WLS: variants seen among roughly 807,000 people sequenced by gnomAD.
WLS encodes Wnt ligand secretion mediator.
A neutral mutation model predicts 62.8 loss-of-function variants in WLS; 23 were observed. That is an observed-to-expected ratio of 0.37 (90% CI 0.26 to 0.52). The LOEUF is 0.52. WLS is among the 20% of genes least tolerant of loss of function. The pLI is 0.92. For synonymous variants in WLS, 246 were observed against 244.1 expected (o/e 1.01, Z -0.07); for missense variants, 615 against 697.3 (o/e 0.88, Z 1.33).
At chr1:68,182,676 T>G (rs2100571895) in intron 2 of WLS, among the ~76,000 whole-genome samples, 1 of 149,096 alleles carries the variant, frequency 6.7e-6, no homozygotes, top group South Asian at 2.1e-4. Context: ...ACCATTTACC[T>G]AACACTACAA....
At chr1:68,213,042 T>C (rs917382604) in intron 1 of WLS, among the ~76,000 whole-genome samples, 39 of 152,324 alleles carry the variant, frequency 2.6e-4, no homozygotes, top group African/African-American at 9.4e-4. Context: ...TTAGTGCCTT[T>C]AATAAGGAAG....
At chr1:68,110,123 A>G (rs1646205179) in intron 11 of WLS, among the ~76,000 whole-genome samples, 1 of 151,782 alleles carries the variant, frequency 6.6e-6, no homozygotes. Context: ...TATTAGATTA[A>G]TCTTTAGTAA....
chr1:68,128,095 A>G (rs186884236), intron 11 of WLS, among the ~76,000 whole-genome samples: 68 of 152,306 alleles, frequency 4.5e-4, no homozygotes, highest in Non-Finnish European at 7.5e-4. Context: ...TGTTTTGGCA[A>G]GGGTCTAATC....
chr1:68,215,492 T>C (rs1649690350), intron 1 of WLS, among the ~76,000 whole-genome samples: 1 of 152,186 alleles, frequency 6.6e-6, no homozygotes, highest in African/African-American at 2.4e-5. Flanking sequence ...TTCCCAGATT[T>C]GGCTAATGGG....
At position 68,232,208 on chromosome 1, in the gene WLS, A is replaced by G. The variant is rs1342479853; in HGVS notation, c.92T>C (p.Val31Ala). 53 of 1,614,028 alleles carry G rather than the reference A, an allele frequency of 3.3e-5. No homozygotes were observed. The highest frequency in any genetic ancestry group is 4.1e-5 in the Non-Finnish European group (48 of 1,180,028). ...TCCGCACTTACCAATCAAGCCTCCC[A>G]CCAGAAAGGCGATGATTTGGAACAC... ...LLVFQIIAFL[V>A]GGLIAPGPTT... Residue 31 changes from valine to alanine, a missense_variant, in exon 1 of 12, where the codon GTG becomes GCG. Coordinates refer to ENST00000262348, the MANE Select transcript of WLS (RefSeq NM_024911.7).
intron 2 of WLS, among the ~76,000 whole-genome samples, chr1:68,166,550 A>C (rs1217067468): frequency 1.3e-5 from 2 of 152,162 alleles, no homozygotes; most frequent in East Asian, 3.9e-4. Flanking sequence ...AAAACAAACA[A>C]ACACAGTAGA....
At chr1:68,171,487 A>G (rs1164512697) in intron 2 of WLS, among the ~76,000 whole-genome samples, 1 of 152,202 alleles carries the variant, frequency 6.6e-6, no homozygotes, top group Non-Finnish European at 1.5e-5. Flanking sequence ...AAAAAACCCC[A>G]TCAAAAAGTG....
intron 11 of WLS, among the ~76,000 whole-genome samples, chr1:68,100,106 A>G (rs1163418181): frequency 6.6e-6 from 1 of 152,232 alleles, no homozygotes; most frequent in Non-Finnish European, 1.5e-5. Context: ...TGAATTACCT[A>G]GATTGAAAAC....
intron 1 of WLS, chr1:68,202,634 C>T (rs1273979611): frequency 2.0e-5 from 3 of 152,178 alleles, no homozygotes; most frequent in Non-Finnish European, 4.4e-5. Flanking sequence ...CTCGGCTGGC[C>T]AGTCATCTGG....
rs141984062 is a variant in WLS, at chr1:68,173,084, AC to A, written c.380-13838del. 5.4e-4 allele frequency among the ~76,000 whole-genome samples: 83 copies of A among 152,314 alleles called. No individual in the cohort carries two copies. In the East Asian group the frequency reaches 0.013, roughly 24 times the overall value. ...TTCTCAGTGTGCTTAAGACGATTTA[AC>A]CTTGTGGAAAATACTGCCAGGAGGA... is the stretch of plus-strand genomic sequence containing the variant. On this transcript the variant is annotated intron_variant, in intron 2 of 11. Coordinates refer to ENST00000262348, the MANE Select transcript of WLS (RefSeq NM_024911.7).
At chr1:68,200,471 A>C (rs1648944618) in intron 1 of WLS, among the ~76,000 whole-genome samples, 1 of 116,910 alleles carries the variant, frequency 8.6e-6, no homozygotes, top group Admixed American at 1.2e-4. Flanking sequence ...CAACGGATAG[A>C]ATTAATGTTG....
chr1:68,117,253 C>A (rs980832057), intron 11 of WLS, among the ~76,000 whole-genome samples: 1 of 152,192 alleles, frequency 6.6e-6, no homozygotes, highest in Non-Finnish European at 1.5e-5. Flanking sequence ...GATCCTTATA[C>A]AGTATTCTTC....
intron 11 of WLS, among the ~76,000 whole-genome samples, chr1:68,105,906 GAAAAGGATAT>G (rs1337101310): frequency 1.3e-5 from 2 of 152,144 alleles, no homozygotes; most frequent in Non-Finnish European, 2.9e-5. Flanking sequence ...GCTCCAAAAA[GAAAAGGATAT>G]GGGATTGGTG....
At chr1:68,145,848 C>A (rs199851076) in intron 9 of WLS, 21 bp downstream of exon 9, 1 of 1,613,458 alleles carries the variant, frequency 6.2e-7, no homozygotes. Context: ...AGTTCCAGAA[C>A]GAGCCAAGAA....
chr1:68,171,188 A>T (rs1278974094), intron 2 of WLS, among the ~76,000 whole-genome samples: 1 of 152,180 alleles, frequency 6.6e-6, no homozygotes, highest in Non-Finnish European at 1.5e-5. Flanking sequence ...ACAAGATTGG[A>T]TGTAAAGCCT....
intron 4 of WLS, 141 bp downstream of exon 4, chr1:68,154,958 T>C (rs1570905391): frequency 1.9e-5 from 17 of 917,792 alleles, no homozygotes; most frequent in South Asian, 1.7e-4. Context: ...CTCACACAAA[T>C]TAGTTCACTT....
chr1:68,165,722 C>T (rs1647050812), intron 2 of WLS, among the ~76,000 whole-genome samples: 2 of 152,178 alleles, frequency 1.3e-5, no homozygotes, highest in South Asian at 2.1e-4. Context: ...CCTGACCAGT[C>T]ACATTTTGGC....
At chr1:68,110,657 G>GTCTCTCTCTCTCTCTC (rs55965951) in intron 11 of WLS, among the ~76,000 whole-genome samples, 3 of 113,970 alleles carry the variant, frequency 2.6e-5, no homozygotes, top group African/African-American at 8.6e-5. Context: ...AAAAATCTCT[G>GTCTCTCTCTCTCTCTC]TCTCTCTCTC....
chr1:68,107,357 C>T (rs1042700573), intron 11 of WLS, among the ~76,000 whole-genome samples: 1 of 151,490 alleles, frequency 6.6e-6, no homozygotes, highest in Admixed American at 6.6e-5. Flanking sequence ...TTTTTATTGT[C>T]AGAGAGCAAA....
Sources: allele counts gnomAD v4.1 joint callset (sites outside exome capture counted in the v4.1 genomes callset), GRCh38; gene constraint gnomAD v4.1.1; transcripts MANE v1.5; gene names NCBI Gene and HGNC (gene_info 2026-07-23, HGNC 2026-07-21).